The following EPHA7 variants were observed in gnomAD, a reference collection of about 807,000 sequenced individuals.
EPHA7 encodes the protein EPH receptor A7.
EPHA7 carries 25 observed loss-of-function variants against 112.6 expected under a neutral mutation model. The ratio of observed to expected loss-of-function variants is 0.22; its 90% CI spans 0.16 to 0.31. EPHA7 has a LOEUF of 0.31. EPHA7 is among the 10% of genes least tolerant of loss of function. EPHA7 has a pLI of 1.00. For synonymous variants in EPHA7, 437 were observed against 406.5 expected (o/e 1.07, Z -0.90); for missense variants, 962 against 1,212.6 (o/e 0.79, Z 3.07).
Position 93,258,117 on chromosome 6 carries a change from C to T in EPHA7, c.2092G>A (p.Glu698Lys), listed in dbSNP as rs138518092. ...TATCTACCTCTTGTAACAACCCCTT[C>T]CAAATGGACAACATTCGGGTGGTCA... ...QFDHPNVVHL[E>K]GVVTRGKPVM... The change falls in exon 11 of 17, where the codon GAA (glutamate) becomes AAA (lysine). Residue 698 changes from glutamate (E) to lysine (K), a missense_variant. By Grantham distance (56) the Glu-to-Lys change is moderately conservative. Transcript: ENST00000369303. 1.9e-5 allele frequency: 30 copies of T among 1,613,098 alleles called. No individual in the cohort carries two copies. Among genetic ancestry groups the T allele is most frequent in the Non-Finnish European group, 2.2e-5 (26 of 1,179,542 alleles).
chr6:93,411,254 G>T, intron 2 of EPHA7, 84 bp from the exon 3 acceptor site: 1 of 1,153,020 alleles, frequency 8.7e-7, no homozygotes, highest in Non-Finnish European at 1.2e-6. Flanking sequence ...CACAAATACA[G>T]ATCTTCGAAA....
intron 3 of EPHA7, among the ~76,000 whole-genome samples, chr6:93,360,286 T>A (rs1776194383): frequency 1.0e-5 from 1 of 99,972 alleles, no homozygotes; most frequent in Admixed American, 1.1e-4. Context: ...TTTAAAATAT[T>A]CATTGTATCT....
chr6:93,400,098 T>C (rs1459061547), intron 3 of EPHA7, among the ~76,000 whole-genome samples: 1 of 152,030 alleles, frequency 6.6e-6, no homozygotes, highest in Non-Finnish European at 1.5e-5. Flanking sequence ...ATAAAAGTAC[T>C]TTATAGGAAA....
At chr6:93,389,227 T>C (rs1293546762) in intron 3 of EPHA7, among the ~76,000 whole-genome samples, 1 of 152,106 alleles carries the variant, frequency 6.6e-6, no homozygotes, top group Non-Finnish European at 1.5e-5. Context: ...GTGTGTTAAA[T>C]GCTTTACAAG....
chr6:93,372,165 A>G (rs1000805895), intron 3 of EPHA7, among the ~76,000 whole-genome samples: 9 of 152,312 alleles, frequency 5.9e-5, no homozygotes, highest in African/African-American at 1.9e-4. Flanking sequence ...CAAGCATTGT[A>G]TAAGAACTTA....
intron 3 of EPHA7, among the ~76,000 whole-genome samples, chr6:93,378,906 C>G (rs183833412): frequency 6.6e-6 from 1 of 152,202 alleles, no homozygotes; most frequent in Non-Finnish European, 1.5e-5. Context: ...TTGGTGTGTA[C>G]TGTACAATCT....
At chr6:93,371,143 G>T (rs1379020762) in intron 3 of EPHA7, among the ~76,000 whole-genome samples, 1 of 150,862 alleles carries the variant, frequency 6.6e-6, no homozygotes, top group Non-Finnish European at 1.5e-5. Flanking sequence ...CAGCCTGGGC[G>T]ACAGAGTGAG....
chr6:93,336,338 G>C (rs1455243854), intron 5 of EPHA7, among the ~76,000 whole-genome samples: 5 of 152,112 alleles, frequency 3.3e-5, no homozygotes, highest in Admixed American at 3.3e-4. Flanking sequence ...TGGATTTCAT[G>C]TGTATCTCAC....
Position 93,373,090 on chromosome 6 carries a change from T to C in EPHA7, c.833-14679A>G, listed in dbSNP as rs16871268. On this transcript the variant is annotated intron_variant, in intron 3 of 16. Transcript: ENST00000369303. Reference sequence around the variant, plus strand: ...ATACATTTTCTGTTCAAATATTTAATTGTGATACATGATTATATAACAGAA... The same window carrying C: ...ATACATTTTCTGTTCAAATATTTAACTGTGATACATGATTATATAACAGAA... Among the ~76,000 whole-genome samples, 1,244 of 152,134 alleles carry C rather than the reference T, an allele frequency of 8.2e-3. 26 individuals are homozygous for C. The highest frequency in any genetic ancestry group is 0.028 in the African/African-American group (1,153 of 41,556).
At chr6:93,299,794 TA>T (rs1181244899) in intron 5 of EPHA7, among the ~76,000 whole-genome samples, 16 of 152,290 alleles carry the variant, frequency 1.1e-4, no homozygotes, top group African/African-American at 3.4e-4. Flanking sequence ...TATGCAGCCG[TA>T]AAAAAGAATG....
At chr6:93,296,166 G>A (rs1021653491) in intron 5 of EPHA7, among the ~76,000 whole-genome samples, 10 of 150,984 alleles carry the variant, frequency 6.6e-5, no homozygotes, top group African/African-American at 1.9e-4. Context: ...GTTCCTCAGA[G>A]GAACATTTGT....
intron 5 of EPHA7, among the ~76,000 whole-genome samples, chr6:93,353,549 C>T (rs1775798544): frequency 6.6e-6 from 1 of 152,068 alleles, no homozygotes; most frequent in South Asian, 2.1e-4. Flanking sequence ...CATGCTTCTG[C>T]AGATAAAGAA....
chr6:93,291,535 G>A (rs1401524042), intron 5 of EPHA7, among the ~76,000 whole-genome samples: 1 of 151,596 alleles, frequency 6.6e-6, no homozygotes. Context: ...TTGGGAGGCC[G>A]AGGCGGGCGG....
intron 5 of EPHA7, among the ~76,000 whole-genome samples, chr6:93,299,120 A>C (rs529200092): frequency 1.7e-3 from 261 of 152,068 alleles, no homozygotes; most frequent in Middle Eastern, 0.014. Flanking sequence ...AGGTCAGGAG[A>C]TCGAGACCAT....
Position 93,240,924 on chromosome 6 carries a change from G to T in EPHA7, c.*2502C>A. On this transcript the variant is annotated 3_prime_UTR_variant, in exon 17 of 17. Coordinates refer to ENST00000369303, the MANE Select transcript of EPHA7 (RefSeq NM_004440.4). Reference sequence around the variant, plus strand: ...TGATTAGGAAAAGAAACTTACAAACGAGATAGTGATGTAATCATACACTTC... The same window carrying T: ...TGATTAGGAAAAGAAACTTACAAACTAGATAGTGATGTAATCATACACTTC... 4.8e-6 allele frequency: 1 copy of T among 209,214 alleles called. No homozygotes were observed. The highest frequency in any genetic ancestry group is 9.7e-6 in the Non-Finnish European group (1 of 102,776). 13.0% of individuals were successfully genotyped at this position (209,214 alleles called of 1,614,324 possible). A position where few individuals can be genotyped will look rare whatever the true frequency, so the allele number is the denominator to read the frequency against.
chr6:93,402,703 AT>A (rs1221701962), intron 3 of EPHA7, among the ~76,000 whole-genome samples: 2 of 152,064 alleles, frequency 1.3e-5, no homozygotes, highest in Non-Finnish European at 2.9e-5. Flanking sequence ...AGGGATAATT[AT>A]CATGTTTTGT....
intron 4 of EPHA7, among the ~76,000 whole-genome samples, chr6:93,357,319 G>C (rs1775999073): frequency 6.6e-6 from 1 of 152,030 alleles, no homozygotes; most frequent in Admixed American, 6.6e-5. Context: ...AACTGTCTTT[G>C]TACTTTTGCC....
chr6:93,345,445 T>C (rs1194998964), intron 5 of EPHA7, among the ~76,000 whole-genome samples: 4 of 151,744 alleles, frequency 2.6e-5, no homozygotes, highest in Non-Finnish European at 5.9e-5. Flanking sequence ...TGACTGTATG[T>C]ACATCTCTGC....
intron 3 of EPHA7, among the ~76,000 whole-genome samples, chr6:93,384,253 T>C (rs1777490376): frequency 6.6e-6 from 1 of 151,992 alleles, no homozygotes; most frequent in South Asian, 2.1e-4. Flanking sequence ...CCCCCTCCCT[T>C]CTCTCCCATT....
Sources: gnomAD v4.1 joint callset for allele counts (sites outside exome capture counted in the v4.1 genomes callset) on GRCh38, gnomAD v4.1.1 for gene constraint, MANE v1.5 for transcripts, NCBI Gene and HGNC (gene_info 2026-07-23, HGNC 2026-07-21) for gene names.